Variants in LRRC27 observed in about 807,000 individuals in gnomAD.
The protein encoded by LRRC27 is leucine-rich repeat-containing protein 27.
LRRC27 carries 57 observed loss-of-function variants against 55.0 expected under a neutral mutation model. The ratio of observed to expected loss-of-function variants is 1.04; its 90% CI spans 0.84 to 1.29. The LOEUF (loss-of-function observed/expected upper bound fraction) is 1.29. LRRC27 is among the 50% of genes most tolerant of loss of function. LRRC27 has a pLI of 0.00. For synonymous variants in LRRC27, 278 were observed against 251.9 expected (o/e 1.10, Z -0.98); for missense variants, 721 against 651.5 (o/e 1.11, Z -1.16).
Position 132,348,278 on chromosome 10 carries a change from TGAC to T in LRRC27, c.851_853del (p.Thr284del). On this transcript the variant is annotated inframe_deletion, in exon 6 of 11. Coordinates refer to ENST00000368614, the MANE Select transcript of LRRC27 (RefSeq NM_030626.3). This position sits in a 1 kb window ranked among gnomAD's most constrained non-coding sequence, Gnocchi z 4.2. ...GCAGACGTTCTGGGAGATCAGCTCT[TGAC>T]GAGGGAATTACCTCCAAATCTCAAG... 6.2e-7 allele frequency: 1 copy of T among 1,614,054 alleles called. No homozygotes were observed.
chr10:132,368,406 T>C (rs1414117792), intron 10 of LRRC27, among the ~76,000 whole-genome samples: 1 of 152,194 alleles, frequency 6.6e-6, no homozygotes, highest in East Asian at 1.9e-4. Flanking sequence ...GTCAGAGGAC[T>C]GACACCCCCC....
At chr10:132,338,649 C>T (rs2067242939) in intron 3 of LRRC27, among the ~76,000 whole-genome samples, 1 of 152,128 alleles carries the variant, frequency 6.6e-6, no homozygotes, top group Admixed American at 6.5e-5. Flanking sequence ...ATCCCCGGCG[C>T]CATGGCTTTT....
chr10:132,341,793 G>A (rs1436864389), intron 3 of LRRC27, among the ~76,000 whole-genome samples: 1 of 152,224 alleles, frequency 6.6e-6, no homozygotes, highest in Non-Finnish European at 1.5e-5. Context: ...AGGAAAGACT[G>A]GTTTACAGTG....
upstream of LRRC27, among the ~76,000 whole-genome samples, chr10:132,330,672 ATTTTTT>A (rs57850207): frequency 1.6e-5 from 2 of 126,944 alleles, no homozygotes; most frequent in Non-Finnish European, 1.6e-5. Context: ...CACACCCAGC[ATTTTTT>A]TTTTTTTTTT....
intron 2 of LRRC27, 125 bp from the exon 3 acceptor site, chr10:132,337,440 G>T: frequency 6.9e-7 from 1 of 1,443,548 alleles, no homozygotes; most frequent in Non-Finnish European, 9.1e-7. Context: ...TTGGGTTTTT[G>T]TTTTTTAACT....
intron 9 of LRRC27, among the ~76,000 whole-genome samples, chr10:132,362,683 G>GT (rs2068685275): frequency 2.0e-5 from 1 of 49,826 alleles, no homozygotes; most frequent in African/African-American, 8.3e-5. Flanking sequence ...AGCTCGGGGG[G>GT]CCAGGGTTCA....
At position 132,379,782 on chromosome 10, in the gene LRRC27, A is replaced by G. The variant is rs1348805630; in HGVS notation, c.*4540A>G. 2.0e-5 allele frequency: 3 copies of G among 151,956 alleles called. No homozygotes were observed. Among genetic ancestry groups the G allele is most frequent in the Admixed American group, 1.3e-4 (2 of 15,264 alleles). The allele number at this position is 151,956 out of a possible 1,614,324, so 9.4% of individuals were successfully genotyped here. On this transcript the variant is annotated 3_prime_UTR_variant, in exon 11 of 11. Coordinates refer to ENST00000368614, the MANE Select transcript of LRRC27 (RefSeq NM_030626.3). ...TGAGTGTCCAGCATTGTATAAGTTGACCCTTGAACAAGAGTTTGAATTATA... is the reference window on the plus strand; with the variant it reads ...TGAGTGTCCAGCATTGTATAAGTTGGCCCTTGAACAAGAGTTTGAATTATA...
At chr10:132,353,539 T>C in intron 7 of LRRC27, 2 of 594,006 alleles carry the variant, frequency 3.4e-6, no homozygotes, top group Non-Finnish European at 4.3e-6. Context: ...AAAAGATGAA[T>C]GAGGTGAAGT....
chr10:132,356,174 C>T (rs1373015613), intron 8 of LRRC27, among the ~76,000 whole-genome samples: 4 of 152,232 alleles, frequency 2.6e-5, no homozygotes, highest in Non-Finnish European at 4.4e-5. Flanking sequence ...TCTTGGCTCA[C>T]TGACTTTTGG....
At chr10:132,364,600 T>TGGAGTGGACCCCGCCACCCCACAGCTCA (rs2068916138) in intron 9 of LRRC27, among the ~76,000 whole-genome samples, 1 of 16,624 alleles carries the variant, frequency 6.0e-5, no homozygotes. Flanking sequence ...ACTCAGGCAG[T>TGGAGTGGACCCCGCCACCCCACAGCTCA]CCGCGTCCAC....
intron 7 of LRRC27, chr10:132,353,347 C>G (rs2068158990): frequency 1.8e-6 from 2 of 1,088,518 alleles, no homozygotes; most frequent in Non-Finnish European, 2.2e-6. Flanking sequence ...TGCACCGCCC[C>G]TGTGGCTCAC....
At chr10:132,344,741 A>G in intron 5 of LRRC27, 91 bp downstream of exon 5, 3 of 1,419,166 alleles carry the variant, frequency 2.1e-6, no homozygotes, top group Non-Finnish European at 2.9e-6. Flanking sequence ...CTTTAATAAC[A>G]TCCTGAGAAA....
intron 7 of LRRC27, chr10:132,353,292 G>C (rs1200254782): frequency 1.7e-6 from 2 of 1,188,378 alleles, no homozygotes; most frequent in Non-Finnish European, 2.1e-6. Flanking sequence ...TCCCTGGTCT[G>C]TCCTGTGGGC....
chr10:132,342,478 T>C (rs965554379), intron 4 of LRRC27, among the ~76,000 whole-genome samples: 2 of 152,206 alleles, frequency 1.3e-5, no homozygotes, highest in Non-Finnish European at 2.9e-5. Flanking sequence ...GTGAGCCTTG[T>C]GTGAGGCACA....
intron 5 of LRRC27, among the ~76,000 whole-genome samples, chr10:132,346,232 G>T (rs1244962673): frequency 6.6e-6 from 1 of 152,176 alleles, no homozygotes; most frequent in Non-Finnish European, 1.5e-5. Context: ...CGGTGTTATT[G>T]CAACTTTTCT....
upstream of LRRC27, chr10:132,331,832 G>A: frequency 1.3e-6 from 2 of 1,519,030 alleles, no homozygotes; most frequent in Non-Finnish European, 8.9e-7. Context: ...TCAAGGCCGC[G>A]GGCGCGGAAA....
chr10:132,342,161 T>C lies in LRRC27; in HGVS notation c.342-52T>C, dbSNP rs1254744291. On this transcript the variant is annotated intron_variant, in intron 3 of 10. Transcript: ENST00000368614. ...GAAACTTGATGGTATATTTTGGAGA[T>C]AGTCAATTAAATCTTGCTTTTTAAA... 6.2e-6 allele frequency: 7 copies of C among 1,126,832 alleles called. 1 individual carries two copies. The highest frequency in any genetic ancestry group is 4.3e-5 in the South Asian group (3 of 69,470). The allele number at this position is 1,126,832 out of a possible 1,614,324, so 69.8% of individuals were successfully genotyped here.
intron 5 of LRRC27, among the ~76,000 whole-genome samples, chr10:132,347,337 C>T (rs180714772): frequency 1.6e-5 from 2 of 121,948 alleles, no homozygotes; most frequent in South Asian, 2.8e-4. Context: ...GGGAAGGTCA[C>T]GCGTGTCCGG....
At chr10:132,373,547 G>A (rs12268410) in intron 10 of LRRC27, among the ~76,000 whole-genome samples, 7,527 of 152,230 alleles carry the variant, frequency 0.049, 607 homozygotes, top group African/African-American at 0.17. Flanking sequence ...GCCGGGATTC[G>A]GTACTCCCAT....
Sources: gnomAD v4.1 joint callset for allele counts (sites outside exome capture counted in the v4.1 genomes callset) on GRCh38, gnomAD v4.1.1 for gene constraint, Gnocchi (gnomAD v3.1) non-coding constraint, MANE v1.5 for transcripts, NCBI Gene and HGNC (gene_info 2026-07-23, HGNC 2026-07-21) for gene names.